The following PACRG variants were observed in gnomAD, a reference collection of about 807,000 sequenced individuals.
PACRG encodes the protein parkin coregulated gene protein.
In PACRG, 29 loss-of-function variants were observed where a neutral mutation model predicts 29.7. The observed-to-expected ratio is 0.98, with a 90% CI of 0.73 to 1.33. The LOEUF is 1.33. PACRG is among the 40% of genes most tolerant of loss of function. The pLI is 0.00. For missense variants in PACRG, 279 were observed against 316.2 expected (o/e 0.88, Z 0.89); for synonymous variants, 116 against 118.7 (o/e 0.98, Z 0.15).
intron 3 of PACRG, among the ~76,000 whole-genome samples, chr6:163,063,308 G>A (rs183597462): frequency 6.6e-6 from 1 of 152,222 alleles, no homozygotes; most frequent in Non-Finnish European, 1.5e-5. Context: ...GCTTCGAGGG[G>A]TGAGGAGGCC....
intron 2 of PACRG, among the ~76,000 whole-genome samples, chr6:162,830,082 T>C (rs1562640829): frequency 6.6e-6 from 1 of 152,136 alleles, no homozygotes; most frequent in Non-Finnish European, 1.5e-5. Flanking sequence ...GATTTAATAT[T>C]GTTTGGGTAT....
At chr6:163,236,645 G>T (rs1336743457) in intron 4 of PACRG, among the ~76,000 whole-genome samples, 1 of 152,212 alleles carries the variant, frequency 6.6e-6, no homozygotes, top group Non-Finnish European at 1.5e-5. Context: ...GGACTGAAAA[G>T]ATGGCAAGAA....
At position 162,965,066 on chromosome 6, in the gene PACRG, G is replaced by A. The variant is rs1167940744; in HGVS notation, c.292-97084G>A. Among the ~76,000 whole-genome samples the A allele has an allele frequency of 2.6e-5, 4 of 152,356 alleles. No homozygotes were observed. In the South Asian group the frequency reaches 6.2e-4, roughly 24 times the overall value. ...GCTGTGAAGATGGAAGTGCCTTAAG[G>A]ACTCACAGCTGGAGTTGGGTAGGGT... On this transcript the variant is annotated intron_variant, in intron 2 of 4. Coordinates refer to ENST00000366888, the MANE Select transcript of PACRG (RefSeq NM_001080379.2).
intron 1 of PACRG, among the ~76,000 whole-genome samples, chr6:162,738,533 T>G (rs1428740462): frequency 6.6e-6 from 1 of 152,202 alleles, no homozygotes; most frequent in Non-Finnish European, 1.5e-5. Flanking sequence ...TTCTTCTTCC[T>G]AGTTCTGTTT....
rs1214006517 is a variant in PACRG, at chr6:163,086,730, T to C, written c.464-2529T>C. Among the ~76,000 whole-genome samples the C allele has an allele frequency of 3.3e-5, 5 of 152,134 alleles. No homozygotes were observed. The East Asian group carries it at 7.8e-4, about 24-fold the overall frequency. ...ATGATATCTTATATTCTAGGACTTTTAACAGAGGATTCGGTTTAGTTCAAA... is the reference window on the plus strand; with the variant it reads ...ATGATATCTTATATTCTAGGACTTTCAACAGAGGATTCGGTTTAGTTCAAA... On this transcript the variant is annotated intron_variant, in intron 3 of 4. Transcript: ENST00000366888.
chr6:162,809,109 T>A (rs1022275), intron 1 of PACRG, among the ~76,000 whole-genome samples: 113,643 of 151,926 alleles, frequency 0.75, 43,250 homozygotes, highest in African/African-American at 0.9. Context: ...GCTTAGGTGG[T>A]TACACATGTC....
chr6:163,091,117 G>T (rs1229686799), intron 4 of PACRG, among the ~76,000 whole-genome samples: 4 of 152,154 alleles, frequency 2.6e-5, no homozygotes, highest in African/African-American at 4.8e-5. Context: ...CACAATAAAG[G>T]CTAGAACTTA....
intron 1 of PACRG, among the ~76,000 whole-genome samples, chr6:162,743,728 A>G (rs1396305294): frequency 6.6e-6 from 1 of 152,176 alleles, no homozygotes; most frequent in Non-Finnish European, 1.5e-5. Flanking sequence ...TCATATACAT[A>G]TAATTCACTC....
chr6:163,166,114 C>G (rs1124951), intron 4 of PACRG: 385,916 of 456,116 alleles, frequency 0.85, 163,789 homozygotes, highest in Non-Finnish European at 0.87. Flanking sequence ...GGCTGCAGGG[C>G]TTGGCGCGGG....
chr6:162,812,213 C>T (rs776053436), intron 1 of PACRG, among the ~76,000 whole-genome samples: 15 of 151,890 alleles, frequency 9.9e-5, no homozygotes, highest in Non-Finnish European at 1.9e-4. Flanking sequence ...TAGGATATTC[C>T]CATTCGGGAA....
chr6:162,997,452 G>A (rs996297858), intron 2 of PACRG: 3 of 452,342 alleles, frequency 6.6e-6, no homozygotes, highest in African/African-American at 6.0e-5. Context: ...TGGCCCTTAA[G>A]TAACAGATGA....
At chr6:163,144,475 A>G (rs951999094) in intron 4 of PACRG, among the ~76,000 whole-genome samples, 1 of 152,160 alleles carries the variant, frequency 6.6e-6, no homozygotes, top group Non-Finnish European at 1.5e-5. Context: ...GGATGATGTT[A>G]AAGGTAATAC....
rs543659071 is a variant in PACRG at position 163,315,330 on chromosome 6, G to C, written c.*343G>C. Reference sequence around the variant, plus strand: ...TATGCAATTCAGCAATTGCTGTTCTGTGTGTGCCTGCCCTGGGGGTGATGT... The same window carrying C: ...TATGCAATTCAGCAATTGCTGTTCTCTGTGTGCCTGCCCTGGGGGTGATGT... On this transcript the variant is annotated 3_prime_UTR_variant, in exon 5 of 5. Coordinates refer to ENST00000366888, the MANE Select transcript of PACRG (RefSeq NM_001080379.2). 8 of 179,462 alleles carry C rather than the reference G, an allele frequency of 4.5e-5. No homozygotes were observed. Among genetic ancestry groups the C allele is most frequent in the East Asian group, 1.6e-4 (1 of 6,448 alleles). 11.1% of individuals were successfully genotyped at this position (179,462 alleles called of 1,614,324 possible). A position where few individuals can be genotyped will look rare whatever the true frequency, so the allele number is the denominator to read the frequency against.
intron 2 of PACRG, among the ~76,000 whole-genome samples, chr6:162,831,202 G>A (rs1788742750): frequency 6.6e-6 from 1 of 152,142 alleles, no homozygotes; most frequent in Non-Finnish European, 1.5e-5. Flanking sequence ...TTTTGAAACT[G>A]CCTTCAAAGC....
At chr6:162,793,466 C>T (rs552085301) in intron 1 of PACRG, among the ~76,000 whole-genome samples, 2 of 152,244 alleles carry the variant, frequency 1.3e-5, no homozygotes, top group East Asian at 3.9e-4. Context: ...GGACCCATAT[C>T]TTTTGCATCT....
chr6:162,930,617 C>G (rs960851104), intron 2 of PACRG, among the ~76,000 whole-genome samples: 1 of 151,930 alleles, frequency 6.6e-6, no homozygotes, highest in Non-Finnish European at 1.5e-5. Flanking sequence ...GCCAGGACTT[C>G]CATTATTACA....
At chr6:162,931,122 A>T (rs747651111) in intron 2 of PACRG, among the ~76,000 whole-genome samples, 1 of 151,688 alleles carries the variant, frequency 6.6e-6, no homozygotes, top group Non-Finnish European at 1.5e-5. Flanking sequence ...TCTACAAAAA[A>T]TTTTTGAAGA....
At chr6:163,195,203 C>T (rs1380092385) in intron 4 of PACRG, among the ~76,000 whole-genome samples, 1 of 152,236 alleles carries the variant, frequency 6.6e-6, no homozygotes. Flanking sequence ...CTCTCAGCCA[C>T]GCTTTGATGA....
chr6:162,920,662 A>C (rs536836246), intron 2 of PACRG, among the ~76,000 whole-genome samples: 182 of 152,322 alleles, frequency 1.2e-3, no homozygotes, highest in Non-Finnish European at 2.1e-3. Context: ...CTGTATAAAA[A>C]TTGTAGCTTG....
Sources: gnomAD v4.1 joint callset for allele counts (sites outside exome capture counted in the v4.1 genomes callset) on GRCh38, gnomAD v4.1.1 for gene constraint, MANE v1.5 for transcripts, NCBI Gene and HGNC (gene_info 2026-07-23, HGNC 2026-07-21) for gene names.